The following NLGN1 variants were observed in gnomAD, a reference collection of about 807,000 sequenced individuals.
NLGN1 encodes neuroligin-1.
A neutral mutation model predicts 65.5 loss-of-function variants in NLGN1; 12 were observed. The observed-to-expected ratio is 0.18, with a 90% CI of 0.12 to 0.30. The LOEUF is 0.30. Ranked by LOEUF, NLGN1 falls within the 10% of genes least tolerant of loss-of-function variation. The probability of loss-of-function intolerance (pLI) is 1.00; values close to 1 mark genes in which losing one functional copy is unlikely to be tolerated. For synonymous variants in NLGN1, 350 were observed against 359.5 expected, an observed-to-expected ratio of 0.97 and a Z score of 0.30; for missense variants, 750 against 1,007.1, an observed-to-expected ratio of 0.74 and a Z score of 3.46.
At chr3:174,251,153 A>G (rs533546734) in intron 4 of NLGN1, among the ~76,000 whole-genome samples, 65 of 152,360 alleles carry the variant, frequency 4.3e-4, no homozygotes, top group Non-Finnish European at 8.4e-4. Context: ...TAACTGTAAA[A>G]TATTCACAGA....
intron 4 of NLGN1, among the ~76,000 whole-genome samples, chr3:173,987,152 T>C (rs997251562): frequency 6.6e-6 from 1 of 152,192 alleles, no homozygotes; most frequent in Non-Finnish European, 1.5e-5. Context: ...AAGTGAATCT[T>C]CCCTGAAATT....
chr3:174,246,126 G>A (rs180814938), intron 4 of NLGN1, among the ~76,000 whole-genome samples: 1 of 152,298 alleles, frequency 6.6e-6, no homozygotes, highest in Admixed American at 6.5e-5. Flanking sequence ...GAGAATTGTA[G>A]TACTGTTTCC....
At chr3:173,537,604 G>T (rs149518518) in intron 2 of NLGN1, among the ~76,000 whole-genome samples, 5 of 152,142 alleles carry the variant, frequency 3.3e-5, no homozygotes, top group Admixed American at 3.3e-4. Flanking sequence ...GTTGTAGCTG[G>T]TATTTATGGC....
intron 4 of NLGN1, among the ~76,000 whole-genome samples, chr3:174,224,181 A>G (rs1739173979): frequency 6.6e-6 from 1 of 152,206 alleles, no homozygotes; most frequent in South Asian, 2.1e-4. Flanking sequence ...AGAAATGGCC[A>G]ATAAAGAATG....
chr3:173,454,467 G>T (rs1028782779), intron 2 of NLGN1, among the ~76,000 whole-genome samples: 1 of 152,152 alleles, frequency 6.6e-6, no homozygotes, highest in Non-Finnish European at 1.5e-5. Context: ...AAGCCTACAA[G>T]CCAGGCTTAC....
chr3:173,565,119 G>A (rs1441028903), intron 2 of NLGN1, among the ~76,000 whole-genome samples: 1 of 152,120 alleles, frequency 6.6e-6, no homozygotes, highest in Non-Finnish European at 1.5e-5. Flanking sequence ...TGTCAGTCTG[G>A]GTATGTGCAG....
chr3:174,011,509 G>T (rs1725538572), intron 4 of NLGN1, among the ~76,000 whole-genome samples: 1 of 152,080 alleles, frequency 6.6e-6, no homozygotes. Context: ...GAGGTTTAAA[G>T]CTTCTATTTA....
intron 4 of NLGN1, among the ~76,000 whole-genome samples, chr3:173,942,519 C>A (rs192872764): frequency 6.6e-6 from 1 of 152,160 alleles, no homozygotes; most frequent in East Asian, 1.9e-4. Flanking sequence ...CTCAGAATAG[C>A]GCCAAAAAGA....
intron 3 of NLGN1, among the ~76,000 whole-genome samples, chr3:173,771,087 C>T (rs1041601271): frequency 2.0e-5 from 3 of 152,170 alleles, no homozygotes; most frequent in African/African-American, 4.8e-5. Flanking sequence ...AAGAAGTCTT[C>T]ACTGAGACCT....
At chr3:173,733,841 G>C (rs1773268651) in intron 3 of NLGN1, among the ~76,000 whole-genome samples, 1 of 152,012 alleles carries the variant, frequency 6.6e-6, no homozygotes, top group African/African-American at 2.4e-5. Flanking sequence ...CTGCAAAAAA[G>C]CATTGTCCAT....
intron 3 of NLGN1, among the ~76,000 whole-genome samples, chr3:173,730,324 C>G (rs912285878): frequency 5.6e-5 from 7 of 124,342 alleles, no homozygotes; most frequent in Non-Finnish European, 1.2e-4. Context: ...CCCACCGCTC[C>G]CCCCCCCCCG....
chr3:173,751,162 G>A (rs534663188), intron 3 of NLGN1, among the ~76,000 whole-genome samples: 4 of 152,070 alleles, frequency 2.6e-5, no homozygotes, highest in Admixed American at 2.0e-4. Flanking sequence ...ACCTGAGTAG[G>A]CGCACATCTA....
At chr3:173,453,711 G>T (rs1217482004) in intron 2 of NLGN1, among the ~76,000 whole-genome samples, 2 of 152,000 alleles carry the variant, frequency 1.3e-5, no homozygotes, top group Non-Finnish European at 2.9e-5. Context: ...ATGTCTTTAG[G>T]CTCTACTTTT....
chr3:174,061,075 T>G (rs1317498091), intron 4 of NLGN1, among the ~76,000 whole-genome samples: 1 of 152,062 alleles, frequency 6.6e-6, no homozygotes, highest in Non-Finnish European at 1.5e-5. Flanking sequence ...TCTATTCTGG[T>G]GGTGTTTGAA....
Position 174,281,214 on chromosome 3 carries a change from C to T in NLGN1, c.2383C>T (p.His795Tyr), listed in dbSNP as rs765131109. Reference sequence around the variant, plus strand: ...CACTATACCAGGGATTCAGCCCTTACACACATTCAATACATTTACTGGAGG... The same window carrying T: ...CACTATACCAGGGATTCAGCCCTTATACACATTCAATACATTTACTGGAGG... Residue 795 changes from histidine (H) to tyrosine (Y), a missense_variant, in exon 7 of 7, where the codon CAC (histidine) becomes TAC (tyrosine). By Grantham distance (83) the His-to-Tyr change is moderately conservative. Coordinates refer to ENST00000457714, the Ensembl canonical transcript of NLGN1. The T allele has an allele frequency of 1.9e-6, 3 of 1,613,078 alleles. No homozygotes were observed. In the African/African-American group the frequency reaches 4.0e-5, roughly 22 times the overall value.
intron 4 of NLGN1, among the ~76,000 whole-genome samples, chr3:174,005,628 C>T (rs940078691): frequency 5.3e-5 from 8 of 152,106 alleles, no homozygotes; most frequent in Admixed American, 3.9e-4. Context: ...CCCACAACCC[C>T]TTACGAGCAG....
At chr3:173,827,629 ATGTGTGTGTGTGTGTGTG>A (rs59670610) in intron 4 of NLGN1, among the ~76,000 whole-genome samples, 2 of 146,886 alleles carry the variant, frequency 1.4e-5, no homozygotes, top group Non-Finnish European at 3.0e-5. Flanking sequence ...TATTTATGAT[ATGTGTGTGTGTGTGTGTG>A]TGTGTGTGTG....
intron 2 of NLGN1, among the ~76,000 whole-genome samples, chr3:173,507,816 G>T (rs1243361174): frequency 6.6e-6 from 1 of 152,064 alleles, no homozygotes; most frequent in Non-Finnish European, 1.5e-5. Context: ...AACAGGCATT[G>T]GTATTAGGGA....
At chr3:173,855,130 T>A (rs1302104779) in intron 4 of NLGN1, among the ~76,000 whole-genome samples, 1 of 152,060 alleles carries the variant, frequency 6.6e-6, no homozygotes. Context: ...GTAGGTAAAT[T>A]CTTCTAAGAA....
Sources: gnomAD v4.1 joint callset for allele counts (sites outside exome capture counted in the v4.1 genomes callset) on GRCh38, gnomAD v4.1.1 for gene constraint, MANE v1.5 for transcripts, NCBI Gene and HGNC (gene_info 2026-07-23, HGNC 2026-07-21) for gene names.